The following LIPI variants were observed in gnomAD, a reference collection of about 807,000 sequenced individuals.
The protein encoded by LIPI is lipase member I.
Under a neutral mutation model 50.6 loss-of-function variants are expected in LIPI, and 59 were observed. That is an observed-to-expected ratio of 1.16 (90% confidence interval 0.94 to 1.45). The LOEUF (loss-of-function observed/expected upper bound fraction) is 1.45, where lower values mean the gene tolerates loss of function less well. LIPI is among the 40% of genes most tolerant of loss of function. The pLI, the probability that LIPI is intolerant of heterozygous loss-of-function variation, is 0.00. For synonymous variants in LIPI, 203 were observed against 178.2 expected (o/e 1.14, Z -1.11); for missense variants, 586 against 536.3 (o/e 1.09, Z -0.92).
At chr21:14,118,338 A>C (rs1210528563) in intron 9 of LIPI, among the ~76,000 whole-genome samples, 1 of 152,188 alleles carries the variant, frequency 6.6e-6, no homozygotes, top group Non-Finnish European at 1.5e-5. Context: ...GACTCAAAAA[A>C]TTGGGCCGTT....
chr21:14,147,686 C>G lies in LIPI; in HGVS notation c.1119-2887G>C, dbSNP rs550748260. ...ATTAAATTGGATTCTCTCCATGTAT[C>G]TTTTAGCTCAGTATAATAGCATTAT... On this transcript the variant is annotated intron_variant, in intron 8 of 9. Transcript: ENST00000681601. Among the ~76,000 whole-genome samples the G allele has an allele frequency of 2.0e-5, 3 of 152,254 alleles. No individual in the cohort carries two copies. In the South Asian group the frequency reaches 6.2e-4, roughly 32 times the overall value.
chr21:14,133,542 G>A (rs75174959), intron 9 of LIPI, among the ~76,000 whole-genome samples: 3,168 of 152,200 alleles, frequency 0.021, 109 homozygotes, highest in African/African-American at 0.072. Flanking sequence ...AAAGTTGAAA[G>A]CATTTCCTTT....
intron 9 of LIPI, among the ~76,000 whole-genome samples, chr21:14,131,656 G>T (rs1008908210): frequency 2.0e-5 from 3 of 152,034 alleles, no homozygotes; most frequent in Non-Finnish European, 2.9e-5. Context: ...ACATGAAAAA[G>T]CAGGGAAATA....
intron 9 of LIPI, among the ~76,000 whole-genome samples, chr21:14,116,896 C>T (rs945792110): frequency 7.9e-5 from 12 of 152,160 alleles, no homozygotes; most frequent in East Asian, 1.9e-4. Context: ...CTACAGGCCC[C>T]GCCAGAGGAG....
chr21:14,169,168 C>T (rs1459931199), intron 4 of LIPI, among the ~76,000 whole-genome samples: 1 of 152,114 alleles, frequency 6.6e-6, no homozygotes, highest in African/African-American at 2.4e-5. Context: ...GCTAACTATC[C>T]TAAATGTATA....
intron 8 of LIPI, among the ~76,000 whole-genome samples, chr21:14,148,637 T>G (rs2017987015): frequency 6.6e-6 from 1 of 152,212 alleles, no homozygotes; most frequent in Non-Finnish European, 1.5e-5. Context: ...GTTATAAACC[T>G]ATGCTACACT....
intron 4 of LIPI, among the ~76,000 whole-genome samples, chr21:14,170,329 A>C (rs1225874071): frequency 1.3e-5 from 2 of 152,200 alleles, no homozygotes; most frequent in Admixed American, 6.5e-5. Context: ...ATTCCAATCA[A>C]TAGAAAAAGA....
At chr21:14,121,452 C>A (rs757216988) in intron 9 of LIPI, among the ~76,000 whole-genome samples, 1 of 152,132 alleles carries the variant, frequency 6.6e-6, no homozygotes, top group Non-Finnish European at 1.5e-5. Context: ...ACCAACTGCA[C>A]TTATATCTCA....
chr21:14,154,979 A>T (rs1220053145), intron 7 of LIPI, among the ~76,000 whole-genome samples: 1 of 152,074 alleles, frequency 6.6e-6, no homozygotes, highest in Non-Finnish European at 1.5e-5. Context: ...TAACCCTGAG[A>T]TAAATTAGAT....
intron 3 of LIPI, among the ~76,000 whole-genome samples, chr21:14,185,744 TAGTG>T (rs746821799): frequency 2.0e-5 from 3 of 151,666 alleles, no homozygotes; most frequent in East Asian, 3.9e-4. Flanking sequence ...GCCGGTGTGG[TAGTG>T]AGTGGGCACC....
intron 7 of LIPI, among the ~76,000 whole-genome samples, chr21:14,159,886 T>A (rs945556138): frequency 2.0e-5 from 3 of 151,254 alleles, no homozygotes; most frequent in Non-Finnish European, 4.4e-5. Context: ...CATTTTACAA[T>A]TACTCCCCAA....
chr21:14,159,174 G>A (rs1338723844), intron 7 of LIPI, among the ~76,000 whole-genome samples: 1 of 151,262 alleles, frequency 6.6e-6, no homozygotes, highest in Non-Finnish European at 1.5e-5. Context: ...CGCTATTACT[G>A]TTATGCCAAA....
chr21:14,155,832 T>G (rs189541204), intron 7 of LIPI, among the ~76,000 whole-genome samples: 2 of 152,084 alleles, frequency 1.3e-5, no homozygotes, highest in Non-Finnish European at 2.9e-5. Context: ...AGTAATTTCT[T>G]CATACAGAAA....
At chr21:14,197,795 A>G (rs1223821239) in intron 1 of LIPI, among the ~76,000 whole-genome samples, 1 of 152,072 alleles carries the variant, frequency 6.6e-6, no homozygotes, top group Non-Finnish European at 1.5e-5. Flanking sequence ...TCACAAGAAG[A>G]TCATCCCCAA....
At chr21:14,154,434 A>C (rs2018206725) in intron 7 of LIPI, among the ~76,000 whole-genome samples, 1 of 152,082 alleles carries the variant, frequency 6.6e-6, no homozygotes, top group Admixed American at 6.6e-5. Context: ...TACTACTAGG[A>C]TATACTTCAG....
chr21:14,113,416 T>C (rs1324414752), intron 9 of LIPI, among the ~76,000 whole-genome samples: 1 of 152,208 alleles, frequency 6.6e-6, no homozygotes, highest in African/African-American at 2.4e-5. Context: ...AATACACTTA[T>C]GAGATTAAAA....
At chr21:14,114,832 T>C (rs116745562) in intron 9 of LIPI, among the ~76,000 whole-genome samples, 2,028 of 152,240 alleles carry the variant, frequency 0.013, 52 homozygotes, top group African/African-American at 0.046. Context: ...CATAATCAAA[T>C]TGCTCAAAAT....
At chr21:14,172,084 G>A (rs960190025) in intron 4 of LIPI, among the ~76,000 whole-genome samples, 1 of 152,178 alleles carries the variant, frequency 6.6e-6, no homozygotes, top group Non-Finnish European at 1.5e-5. Context: ...CTCAAAAGAA[G>A]ACACCTATGC....
chr21:14,161,930 C>T (rs2018511994), intron 7 of LIPI, among the ~76,000 whole-genome samples: 1 of 125,412 alleles, frequency 8.0e-6, no homozygotes, highest in Non-Finnish European at 1.7e-5. Flanking sequence ...ATGTATTTCT[C>T]TATTTATAGA....
Sources: gnomAD v4.1 joint callset for allele counts (sites outside exome capture counted in the v4.1 genomes callset) on GRCh38, gnomAD v4.1.1 for gene constraint, MANE v1.5 for transcripts, NCBI Gene and HGNC (gene_info 2026-07-23, HGNC 2026-07-21) for gene names.